Variants in FCGR2A observed in about 807,000 individuals in gnomAD.
FCGR2A encodes Fc gamma receptor IIa.
A neutral mutation model predicts 29.3 loss-of-function variants in FCGR2A; 18 were observed. The observed-to-expected ratio is 0.62, with a 90% CI of 0.43 to 0.91. The LOEUF is 0.91. Among genes scored for constraint, FCGR2A ranks in the 40% least tolerant of loss-of-function variants. The pLI, the probability that FCGR2A is intolerant of heterozygous loss-of-function variation, is 0.00. For missense variants in FCGR2A, 287 were observed against 393.0 expected (o/e 0.73, Z 2.28); for synonymous variants, 126 against 144.8 (o/e 0.87, Z 0.93).
downstream of FCGR2A, among the ~76,000 whole-genome samples, chr1:161,522,364 TG>T (rs1293391617): frequency 1.3e-5 from 2 of 152,118 alleles, no homozygotes; most frequent in Non-Finnish European, 2.9e-5. Context: ...TGAGTGATAT[TG>T]GAAGCATGCC....
rs1675844805 is a variant in FCGR2A, at chr1:161,512,263, T to C, written c.742+1307T>C. Among the ~76,000 whole-genome samples the C allele has an allele frequency of 2.7e-5, 4 of 147,426 alleles. No individual in the cohort carries two copies. In the South Asian group the frequency reaches 9.1e-4, roughly 34 times the overall value. ...AAACCCCTCAATTTGCTGAGGAATC[T>C]GCCTCTGTGGAGGGATGGGGTGGAG... On this transcript the variant is annotated intron_variant, in intron 5 of 6. Transcript: ENST00000271450.
chr1:161,512,920 T>C (rs1470320402), intron 5 of FCGR2A, among the ~76,000 whole-genome samples: 1 of 152,234 alleles, frequency 6.6e-6, no homozygotes, highest in African/African-American at 2.4e-5. Flanking sequence ...TGGTTCTGTC[T>C]ACACTGGCAT....
intron 3 of FCGR2A, 139 bp downstream of exon 3, chr1:161,506,730 A>T: frequency 7.0e-7 from 1 of 1,432,692 alleles, no homozygotes; most frequent in Non-Finnish European, 9.4e-7. Context: ...TTCATTCCCC[A>T]TTTCACCCAC....
intron 5 of FCGR2A, 70 bp downstream of exon 5, chr1:161,511,026 C>T: frequency 2.5e-6 from 4 of 1,608,574 alleles, no homozygotes; most frequent in Non-Finnish European, 3.4e-6. Context: ...CCAGACATTG[C>T]CAGAATCCCG....
At chr1:161,513,745 A>G in intron 5 of FCGR2A, 150 bp from the exon 6 acceptor site, 1 of 1,142,894 alleles carries the variant, frequency 8.7e-7, no homozygotes, top group Non-Finnish European at 1.3e-6. Flanking sequence ...ATGAGGCCAT[A>G]TTTACTTAGC....
downstream of FCGR2A, among the ~76,000 whole-genome samples, chr1:161,522,148 C>T (rs539486477): frequency 2.1e-3 from 321 of 152,126 alleles, 3 homozygotes; most frequent in Middle Eastern, 0.01. Context: ...CTGCAGTGAG[C>T]TGTGATTGCA....
At chr1:161,511,782 T>A (rs1675803336) in intron 5 of FCGR2A, among the ~76,000 whole-genome samples, 8 of 152,154 alleles carry the variant, frequency 5.3e-5, no homozygotes, top group Admixed American at 5.2e-4. Flanking sequence ...CAGGAGACCC[T>A]GAGTGCAGGG....
chr1:161,515,321 A>G (rs1571980942), intron 6 of FCGR2A, among the ~76,000 whole-genome samples: 1 of 152,248 alleles, frequency 6.6e-6, no homozygotes, highest in Non-Finnish European at 1.5e-5. Flanking sequence ...TCCTTAAAAA[A>G]TTAGATCCTC....
rs747268893 is a variant in FCGR2A at position 161,506,362 on chromosome 1, T to C, written c.135T>C (p.Leu45=). 11 of 1,614,220 alleles carry C rather than the reference T, an allele frequency of 6.8e-6. No individual in the cohort carries two copies. Among genetic ancestry groups the C allele is most frequent in the Middle Eastern group, 1.7e-4 (1 of 6,056 alleles). ...CTCCCCCAAAGGCTGTGCTGAAACT[T>C]GAGCCCCCGTGGATCAACGTGCTCC... is the stretch of plus-strand genomic sequence containing the variant. ...AAAPPKAVLK[L]EPPWINVLQE... Residue 45 remains leucine, a synonymous_variant, in exon 3 of 7, where the codon CTT becomes CTC. Transcript: ENST00000271450.
chr1:161,512,668 CAGT>C (rs1157959483), intron 5 of FCGR2A, among the ~76,000 whole-genome samples: 1 of 151,650 alleles, frequency 6.6e-6, no homozygotes, highest in East Asian at 1.9e-4. Context: ...GCTTCCATGA[CAGT>C]AGGAACAGGC....
At chr1:161,516,452 C>T (rs1365836245) in intron 6 of FCGR2A, among the ~76,000 whole-genome samples, 4 of 151,902 alleles carry the variant, frequency 2.6e-5, no homozygotes, top group Non-Finnish European at 5.9e-5. Flanking sequence ...TTTTAAAGGT[C>T]TAATCTGAGA....
At chr1:161,509,518 T>A (rs1186446525) in intron 3 of FCGR2A, among the ~76,000 whole-genome samples, 2 of 152,188 alleles carry the variant, frequency 1.3e-5, no homozygotes, top group Non-Finnish European at 2.9e-5. Flanking sequence ...CCCTGTCGAG[T>A]AGCCTCTACA....
chr1:161,517,839 T>C (rs990189631), intron 6 of FCGR2A, 136 bp from the exon 7 acceptor site: 1 of 624,824 alleles, frequency 1.6e-6, no homozygotes, highest in African/African-American at 1.9e-5. Context: ...ATTTATTTGA[T>C]TGGTTAAGTC....
downstream of FCGR2A, among the ~76,000 whole-genome samples, chr1:161,521,635 G>A (rs1676453770): frequency 6.6e-6 from 1 of 151,952 alleles, no homozygotes; most frequent in Non-Finnish European, 1.5e-5. Context: ...CTGAATCATG[G>A]GGCAGGTCTT....
intron 6 of FCGR2A, chr1:161,514,546 T>C (rs1676028923): frequency 6.1e-6 from 1 of 163,956 alleles, no homozygotes; most frequent in African/African-American, 2.5e-5. Context: ...CAGGCATAGG[T>C]ACCCATTAAG....
At chr1:161,508,542 G>A (rs1234345403) in intron 3 of FCGR2A, among the ~76,000 whole-genome samples, 2 of 147,846 alleles carry the variant, frequency 1.4e-5, no homozygotes, top group Admixed American at 6.8e-5. Flanking sequence ...AGCCGAGATC[G>A]CGCCATTCCA....
At chr1:161,521,747 A>T (rs59821492), downstream of FCGR2A, among the ~76,000 whole-genome samples, 13,824 of 151,962 alleles carry the variant, frequency 0.091, 863 homozygotes, top group East Asian at 0.25. Context: ...GTTTGCCACC[A>T]TGTGAGACAT....
At chr1:161,510,613 A>G (rs1162327635) in intron 4 of FCGR2A, among the ~76,000 whole-genome samples, 1 of 152,126 alleles carries the variant, frequency 6.6e-6, no homozygotes, top group Non-Finnish European at 1.5e-5. Flanking sequence ...TGGTGGAGAA[A>G]CCTGGGTAGG....
rs779609704 is a variant in FCGR2A at position 161,506,340 on chromosome 1, C to T, written c.113C>T (p.Pro38Leu). 1.2e-6 allele frequency: 2 copies of T among 1,614,086 alleles called. No homozygotes were observed. The highest frequency in any genetic ancestry group is 1.3e-5 in the African/African-American group (1 of 74,924). The change falls in exon 3 of 7, where the codon CCC (proline) becomes CTC (leucine). Residue 38 changes from proline to leucine, a missense_variant. This residue lies in a region of FCGR2A where 181 missense variants were observed against 250.9 expected (regional missense o/e 0.72). Coordinates refer to ENST00000271450, the MANE Select transcript of FCGR2A (RefSeq NM_001136219.3). ...TTTCCACTCTGCCCCTCAGCAGCTCCCCCAAAGGCTGTGCTGAAACTTGAG... is the reference window on the plus strand; with the variant it reads ...TTTCCACTCTGCCCCTCAGCAGCTCTCCCAAAGGCTGTGCTGAAACTTGAG... ...LASADSQAAA[P>L]PKAVLKLEPP...
Sources: allele counts gnomAD v4.1 joint callset (sites outside exome capture counted in the v4.1 genomes callset), GRCh38; gene constraint gnomAD v4.1.1; regional missense constraint gnomAD v4.1.1; transcripts MANE v1.5; gene names NCBI Gene and HGNC (gene_info 2026-07-23, HGNC 2026-07-21).